APOO: variants seen among roughly 807,000 people sequenced by gnomAD.
APOO encodes the protein apolipoprotein O.
A neutral mutation model predicts 23.1 loss-of-function variants in APOO; 11 were observed. The ratio of observed to expected loss-of-function variants is 0.48; its 90% CI spans 0.30 to 0.79. The LOEUF is 0.79. APOO is among the 30% of genes least tolerant of loss of function. APOO has a pLI of 0.07. For missense variants in APOO, 160 were observed against 142.7 expected (o/e 1.12, Z -0.62); for synonymous variants, 59 against 54.8 (o/e 1.08, Z -0.34).
At chrX:23,851,777 G>A (rs763007157) in intron 7 of APOO, among the ~76,000 whole-genome samples, 15 of 112,115 alleles carry the variant, frequency 1.3e-4, no homozygotes, top group African/African-American at 2.9e-4. Flanking sequence ...GAATCATTTC[G>A]TAAGAGGGAA....
chrX:23,879,009 C>T lies in APOO; in HGVS notation c.143G>A (p.Gly48Asp). Residue 48 changes from glycine to aspartate, a missense_variant, in exon 3 of 9, where the codon GGT becomes GAT. Coordinates refer to ENST00000379226, the MANE Select transcript of APOO (RefSeq NM_024122.5). Reference sequence around the variant, plus strand: ...TGCCTCCTCCACATACTTCGATTGACCCTCAGGAACTGAGTAGAGTGAAAG... The same window carrying T: ...TGCCTCCTCCACATACTTCGATTGATCCTCAGGAACTGAGTAGAGTGAAAG... Reference protein sequence around the residue: ...DELSLYSVPEGQSKYVEEARS... With the variant: ...DELSLYSVPEDQSKYVEEARS... 1.7e-6 allele frequency: 2 copies of T among 1,211,229 alleles called. No individual in the cohort carries two copies. The highest frequency in any genetic ancestry group is 3.5e-5 in the South Asian group (2 of 56,968).
chrX:23,892,338 G>A (rs947848612), intron 1 of APOO, among the ~76,000 whole-genome samples: 20 of 84,129 alleles, frequency 2.4e-4, no homozygotes, highest in Non-Finnish European at 3.8e-4. Flanking sequence ...TGCAACCTCC[G>A]CCGTCTCTCG....
intron 1 of APOO, among the ~76,000 whole-genome samples, chrX:23,889,597 T>C (rs1423307985): frequency 9.1e-6 from 1 of 109,388 alleles, no homozygotes; most frequent in East Asian, 2.8e-4. Context: ...GCCAGCTTCA[T>C]GATAGAAGGC....
intron 7 of APOO, among the ~76,000 whole-genome samples, chrX:23,854,907 C>A (rs1381862434): frequency 2.7e-5 from 3 of 111,094 alleles, no homozygotes; most frequent in Non-Finnish European, 5.7e-5. Flanking sequence ...ATCAAAAAAA[C>A]AGGGATTGCC....
chrX:23,892,599 T>C lies in APOO; in HGVS notation c.10-11647A>G, dbSNP rs757024416. 4.6e-5 allele frequency among the ~76,000 whole-genome samples: 5 copies of C among 108,265 alleles called. No homozygotes were observed. In the South Asian group the frequency reaches 2.0e-3, roughly 44 times the overall value. 94.0% of individuals were successfully genotyped at this position (108,265 alleles called of 115,157 possible). A position where few individuals can be genotyped will look rare whatever the true frequency, so the allele number is the denominator to read the frequency against. ...CCTAGAAACACAGTGAAACCCCATCTCTACTAAAAATACAAAAAATTAGCA... is the reference window on the plus strand; with the variant it reads ...CCTAGAAACACAGTGAAACCCCATCCCTACTAAAAATACAAAAAATTAGCA... On this transcript the variant is annotated intron_variant, in intron 1 of 8. Transcript: ENST00000379226.
intron 7 of APOO, among the ~76,000 whole-genome samples, chrX:23,846,628 CAA>C (rs59513332): frequency 3.5e-4 from 14 of 40,353 alleles, no homozygotes; most frequent in African/African-American, 8.7e-4. Flanking sequence ...GACTCCATCT[CAA>C]AAAAAAAAAA....
intron 5 of APOO, 65 bp from the exon 6 acceptor site, chrX:23,858,798 T>C: frequency 9.7e-7 from 1 of 1,025,862 alleles, no homozygotes; most frequent in Non-Finnish European, 1.4e-6. Context: ...CAATTTACCT[T>C]ATCCATTTAA....
At chrX:23,837,427 A>T (rs1923746271) in intron 8 of APOO, 5 of 496,883 alleles carry the variant, frequency 1.0e-5, no homozygotes, top group Non-Finnish European at 1.6e-5. Context: ...AGAAGGGTGA[A>T]GTGGGAGGAT....
chrX:23,891,258 GCT>G (rs773794880), intron 1 of APOO, among the ~76,000 whole-genome samples: 62 of 109,428 alleles, frequency 5.7e-4, no homozygotes, highest in African/African-American at 2.0e-3. Context: ...ACAGAGTCTC[GCT>G]CTGTCACCCA....
chrX:23,898,682 G>A (rs1302523187), intron 1 of APOO, among the ~76,000 whole-genome samples: 1 of 111,898 alleles, frequency 8.9e-6, no homozygotes. Flanking sequence ...CTCCCAAATG[G>A]TGTGACTCCA....
At chrX:23,852,384 G>T (rs1490664762) in intron 7 of APOO, among the ~76,000 whole-genome samples, 1 of 110,327 alleles carries the variant, frequency 9.1e-6, no homozygotes, top group Admixed American at 9.7e-5. Flanking sequence ...AGATCACGAG[G>T]TCAGGAGATC....
At chrX:23,877,527 A>G (rs759310933) in intron 3 of APOO, among the ~76,000 whole-genome samples, 1 of 111,883 alleles carries the variant, frequency 8.9e-6, no homozygotes, top group African/African-American at 3.2e-5. Flanking sequence ...TAATCCCAGC[A>G]CTTTGGGAGG....
At chrX:23,882,322 T>C (rs1398534821) in intron 1 of APOO, among the ~76,000 whole-genome samples, 1 of 112,540 alleles carries the variant, frequency 8.9e-6, no homozygotes, top group South Asian at 3.6e-4. Context: ...ACAGATATTT[T>C]TGTTATATTT....
intron 4 of APOO, among the ~76,000 whole-genome samples, chrX:23,870,811 C>T (rs956144575): frequency 9.2e-6 from 1 of 109,252 alleles, no homozygotes; most frequent in Admixed American, 9.9e-5. Context: ...CAAAAACAGG[C>T]CAGGCGCAGT....
At chrX:23,846,990 C>A (rs968475522) in intron 7 of APOO, among the ~76,000 whole-genome samples, 3 of 110,722 alleles carry the variant, frequency 2.7e-5, no homozygotes, top group African/African-American at 9.8e-5. Context: ...AATAAAGAAC[C>A]CTTATAAATC....
Position 23,874,404 on chromosome X carries a change from T to C in APOO, c.291A>G (p.Leu97=). 8.3e-7 allele frequency: 1 copy of C among 1,209,115 alleles called. No homozygotes were observed. The highest frequency in any genetic ancestry group is 1.8e-5 in the South Asian group (1 of 56,859). ...ATGCCTAATTTAAAATCAACTTACCTAACCCCCATTGAACCAAACTTTGCA... is the reference window on the plus strand; with the variant it reads ...ATGCCTAATTTAAAATCAACTTACCCAACCCCCATTGAACCAAACTTTGCA... The part of the protein sequence containing the change: ...PKMQSLVQWG[L]DSYDYLQNAP... The change falls in exon 4 of 9, where the codon TTA becomes TTG. Residue 97 remains leucine, a splice_region_variant and synonymous_variant. Transcript: ENST00000379226.
intron 5 of APOO, among the ~76,000 whole-genome samples, chrX:23,865,601 C>CA (rs60702124): frequency 5.3e-4 from 48 of 91,411 alleles, no homozygotes; most frequent in South Asian, 1.1e-3. Flanking sequence ...AAGACTGTCT[C>CA]AAAAAAAAAA....
intron 1 of APOO, among the ~76,000 whole-genome samples, chrX:23,899,919 T>C (rs1927056642): frequency 8.9e-6 from 1 of 112,139 alleles, no homozygotes; most frequent in Non-Finnish European, 1.9e-5. Context: ...ACAGGCCTCA[T>C]GGGGTAATCA....
intron 8 of APOO, among the ~76,000 whole-genome samples, chrX:23,837,711 G>A (rs1016537684): frequency 1.8e-5 from 2 of 108,652 alleles, no homozygotes; most frequent in African/African-American, 6.7e-5. Context: ...CCAGGTTGGA[G>A]TGCAGTGGAG....
Sources: allele counts gnomAD v4.1 joint callset (sites outside exome capture counted in the v4.1 genomes callset), GRCh38; gene constraint gnomAD v4.1.1; transcripts MANE v1.5; gene names NCBI Gene and HGNC (gene_info 2026-07-23, HGNC 2026-07-21).